The following AGBL4 variants were observed in gnomAD, a reference collection of about 807,000 sequenced individuals.
The protein encoded by AGBL4 is AGBL carboxypeptidase 4.
In AGBL4, 58 loss-of-function variants were observed where a neutral mutation model predicts 66.4. That is an observed-to-expected ratio of 0.87 (90% CI 0.71 to 1.09). AGBL4 has a LOEUF of 1.09. Among genes scored for constraint, AGBL4 ranks in the 50% least tolerant of loss-of-function variants. The pLI is 0.00. For synonymous variants in AGBL4, 234 were observed against 222.9 expected (o/e 1.05, Z -0.44); for missense variants, 579 against 631.0 (o/e 0.92, Z 0.88).
At position 48,590,881 on chromosome 1, in the gene AGBL4, C is replaced by T; in HGVS notation, c.1056G>A (p.Gln352=). The change falls in exon 10 of 14, where the codon CAG becomes CAA. Residue 352 remains glutamine, a synonymous_variant. Coordinates refer to ENST00000371839, the MANE Select transcript of AGBL4 (RefSeq NM_032785.4). The stretch of plus-strand genomic sequence containing the variant: ...GGCAGAGGAGCTTGGGAAAAATGGC[C>T]TGCCTCTGGAACCGTTCCTCATCCT... ...IFEDEERFQR[Q]AIFPKLLCQN... The T allele has an allele frequency of 6.2e-7, 1 of 1,606,864 alleles. No homozygotes were observed. Among genetic ancestry groups the T allele is most frequent in the Non-Finnish European group, 8.5e-7 (1 of 1,176,740 alleles).
intron 5 of AGBL4, among the ~76,000 whole-genome samples, chr1:48,869,333 G>A (rs942785970): frequency 2.6e-5 from 4 of 152,132 alleles, no homozygotes; most frequent in South Asian, 2.1e-4. Context: ...TCCCTAACAC[G>A]GAACCAGGCC....
intron 4 of AGBL4, among the ~76,000 whole-genome samples, chr1:49,149,490 C>T (rs1646284312): frequency 6.6e-6 from 1 of 152,180 alleles, no homozygotes; most frequent in Non-Finnish European, 1.5e-5. Flanking sequence ...AGAGTACATT[C>T]TAGGAATGTA....
At chr1:49,460,492 G>T (rs936865691) in intron 3 of AGBL4, among the ~76,000 whole-genome samples, 1 of 151,686 alleles carries the variant, frequency 6.6e-6, no homozygotes, top group Admixed American at 6.6e-5. Context: ...CATGTGTTAG[G>T]TGAGTCTCGT....
intron 3 of AGBL4, among the ~76,000 whole-genome samples, chr1:49,522,901 G>A (rs1420980966): frequency 6.6e-6 from 1 of 152,060 alleles, no homozygotes; most frequent in Non-Finnish European, 1.5e-5. Context: ...CAGTACATTA[G>A]TTTAAACAGT....
At chr1:49,835,020 A>G (rs999494658) in intron 2 of AGBL4, among the ~76,000 whole-genome samples, 2 of 152,124 alleles carry the variant, frequency 1.3e-5, no homozygotes, top group Non-Finnish European at 2.9e-5. Context: ...AACAAGTGTG[A>G]TATGGTGCTG....
At chr1:49,090,713 CTT>C (rs888808053) in intron 4 of AGBL4, among the ~76,000 whole-genome samples, 2 of 151,192 alleles carry the variant, frequency 1.3e-5, no homozygotes, top group African/African-American at 2.4e-5. Context: ...CAATGACACT[CTT>C]TGCAGAATTA....
intron 6 of AGBL4, among the ~76,000 whole-genome samples, chr1:48,816,329 T>C (rs1646177694): frequency 6.6e-6 from 1 of 152,174 alleles, no homozygotes; most frequent in Non-Finnish European, 1.5e-5. Context: ...TGAAGTCCCT[T>C]GATCATATCT....
intron 4 of AGBL4, among the ~76,000 whole-genome samples, chr1:49,065,098 T>C (rs1644468202): frequency 6.6e-6 from 1 of 152,184 alleles, no homozygotes; most frequent in Non-Finnish European, 1.5e-5. Context: ...GACATTCAAT[T>C]GCTTTTTTGG....
chr1:49,153,800 A>C (rs1191396904), intron 4 of AGBL4, among the ~76,000 whole-genome samples: 1 of 152,024 alleles, frequency 6.6e-6, no homozygotes, highest in Non-Finnish European at 1.5e-5. Context: ...GAATATTTAT[A>C]ATTATGTAGA....
intron 3 of AGBL4, among the ~76,000 whole-genome samples, chr1:49,251,811 G>A (rs1385607980): frequency 6.6e-6 from 1 of 152,194 alleles, no homozygotes; most frequent in East Asian, 1.9e-4. Context: ...GGAGTTGGGA[G>A]CTGAGTGGTG....
At chr1:49,352,617 C>A (rs1289499960) in intron 3 of AGBL4, among the ~76,000 whole-genome samples, 1 of 151,972 alleles carries the variant, frequency 6.6e-6, no homozygotes, top group Non-Finnish European at 1.5e-5. Flanking sequence ...AAGCCTCCAG[C>A]CTCTGGAGAC....
intron 5 of AGBL4, among the ~76,000 whole-genome samples, chr1:48,970,711 T>C (rs775175938): frequency 6.6e-6 from 1 of 152,186 alleles, no homozygotes; most frequent in Non-Finnish European, 1.5e-5. Context: ...ACTTTTCAGT[T>C]GCATACTATT....
At chr1:48,808,375 T>C (rs1934368) in intron 6 of AGBL4, among the ~76,000 whole-genome samples, 31,412 of 152,156 alleles carry the variant, frequency 0.21, 3,842 homozygotes, top group East Asian at 0.41. Flanking sequence ...CCTGCTTTTT[T>C]TGTCAACTAA....
At chr1:49,418,059 C>T (rs1426794915) in intron 3 of AGBL4, among the ~76,000 whole-genome samples, 3 of 152,086 alleles carry the variant, frequency 2.0e-5, no homozygotes, top group African/African-American at 7.2e-5. Context: ...CAAGTCTTCC[C>T]TTGGATTACC....
At chr1:48,781,525 A>G (rs1183447972) in intron 6 of AGBL4, among the ~76,000 whole-genome samples, 1 of 152,258 alleles carries the variant, frequency 6.6e-6, no homozygotes, top group East Asian at 1.9e-4. Context: ...GAGCAAAGAT[A>G]GTTTAAATAC....
chr1:48,932,060 A>C (rs1655083570), intron 5 of AGBL4, among the ~76,000 whole-genome samples: 1 of 152,050 alleles, frequency 6.6e-6, no homozygotes. Context: ...TCCACTCAGG[A>C]TGGTCCCTCT....
chr1:49,862,098 G>A (rs1402797812), intron 1 of AGBL4, among the ~76,000 whole-genome samples: 1 of 152,056 alleles, frequency 6.6e-6, no homozygotes, highest in Non-Finnish European at 1.5e-5. Context: ...CTTTCAGACA[G>A]AGAATTCAAA....
At chr1:49,089,763 G>A (rs1057258078) in intron 4 of AGBL4, among the ~76,000 whole-genome samples, 2 of 151,968 alleles carry the variant, frequency 1.3e-5, no homozygotes, top group South Asian at 2.1e-4. Flanking sequence ...GCATCATCCT[G>A]GCCACCAAAA....
intron 6 of AGBL4, among the ~76,000 whole-genome samples, chr1:48,664,837 T>C (rs1004327652): frequency 6.6e-6 from 1 of 152,178 alleles, no homozygotes; most frequent in African/African-American, 2.4e-5. Context: ...GAAGGGCTGA[T>C]TGATACAGAG....
Sources: allele counts gnomAD v4.1 joint callset (sites outside exome capture counted in the v4.1 genomes callset), GRCh38; gene constraint gnomAD v4.1.1; transcripts MANE v1.5; gene names NCBI Gene and HGNC (gene_info 2026-07-23, HGNC 2026-07-21).